Variants in ENTPD6 observed in about 807,000 individuals in gnomAD.
The protein encoded by ENTPD6 is CD39 antigen-like 2.
Under a neutral mutation model 61.5 loss-of-function variants are expected in ENTPD6, and 46 were observed. The ratio of observed to expected loss-of-function variants is 0.75; its 90% confidence interval spans 0.59 to 0.96. ENTPD6 has a LOEUF of 0.96. ENTPD6 is among the 40% of genes least tolerant of loss of function. The pLI, the probability that ENTPD6 is intolerant of heterozygous loss-of-function variation, is 0.00. For synonymous variants in ENTPD6, 252 were observed against 255.5 expected, an observed-to-expected ratio of 0.99 and a Z score of 0.13; for missense variants, 612 against 629.0, an observed-to-expected ratio of 0.97 and a Z score of 0.29.
intron 12 of ENTPD6, 152 bp from the exon 13 acceptor site, chr20:25,223,949 A>G: frequency 1.6e-6 from 1 of 612,074 alleles, no homozygotes; most frequent in Non-Finnish European, 2.8e-6. Flanking sequence ...TCCTCAGAGC[A>G]CGTGAGTGCC....
At position 25,222,912 on chromosome 20, in the gene ENTPD6, G is replaced by A. The variant is rs747121349; in HGVS notation, c.1120G>A (p.Val374Met). 22 of 1,614,090 alleles carry A rather than the reference G, an allele frequency of 1.4e-5. No individual in the cohort carries two copies. The highest frequency in any genetic ancestry group is 1.9e-5 in the Non-Finnish European group (22 of 1,179,982). The stretch of plus-strand genomic sequence containing the variant: ...AAACAGAGTGCACAGGACGGAGGAA[G>A]TGAAGCATGTGGACTTCTATGCTTT... ...LQNRVHRTEE[V>M]KHVDFYAFSY... Residue 374 changes from valine (V) to methionine (M), a missense_variant, in exon 12 of 15, where the codon GTG becomes ATG. Physicochemically the swap from Val to Met is conservative, Grantham distance 21. Transcript: ENST00000376652.
chr20:25,223,114 C>T, intron 12 of ENTPD6, 136 bp downstream of exon 12: 1 of 1,015,216 alleles, frequency 9.9e-7, no homozygotes, highest in Non-Finnish European at 1.4e-6. Flanking sequence ...AGGCCAGAAG[C>T]AGATTTGAGA....
At chr20:25,213,207 T>G in intron 4 of ENTPD6, 56 bp from the exon 5 acceptor site, 4 of 1,608,264 alleles carry the variant, frequency 2.5e-6, no homozygotes, top group Non-Finnish European at 3.4e-6. Context: ...AAGCAGCACG[T>G]GTGACCCTGT....
chr20:25,208,096 C>G (rs930595115), intron 3 of ENTPD6, among the ~76,000 whole-genome samples: 4 of 152,218 alleles, frequency 2.6e-5, no homozygotes, highest in African/African-American at 4.8e-5. Flanking sequence ...TCAGGCAGGT[C>G]CCCTGGGTGT....
intron 13 of ENTPD6, 103 bp downstream of exon 13, chr20:25,224,260 A>G (rs1013719612): frequency 1.0e-6 from 1 of 997,318 alleles, no homozygotes; most frequent in South Asian, 1.7e-5. Context: ...CCTCCTAAAC[A>G]ATGGCCACAG....
Position 25,209,932 on chromosome 20 carries a change from A to G in ENTPD6, c.453+7A>G. The G allele has an allele frequency of 6.2e-7, 1 of 1,612,176 alleles. No homozygotes were observed. The highest frequency in any genetic ancestry group is 8.5e-7 in the Non-Finnish European group (1 of 1,178,238). On this transcript the variant is annotated splice_region_variant and intron_variant, in intron 4 of 14. Coordinates refer to ENST00000376652, the MANE Select transcript of ENTPD6 (RefSeq NM_001247.5). Reference sequence around the variant, plus strand: ...TGCTGATGATGTTGAAAAGGTAAGGATCCTCTCCCGTGTCTCCCTGTTCAA... The same window carrying G: ...TGCTGATGATGTTGAAAAGGTAAGGGTCCTCTCCCGTGTCTCCCTGTTCAA...
At chr20:25,213,512 T>A (rs1321773796) in intron 5 of ENTPD6, 106 bp downstream of exon 5, 1 of 1,242,538 alleles carries the variant, frequency 8.0e-7, no homozygotes, top group Admixed American at 2.7e-5. Context: ...AGGACACAGA[T>A]GCTTCTGAAG....
intron 1 of ENTPD6, among the ~76,000 whole-genome samples, chr20:25,198,155 T>G (rs1240360901): frequency 6.6e-6 from 1 of 152,160 alleles, no homozygotes; most frequent in African/African-American, 2.4e-5. Context: ...TAGAATATGG[T>G]TCTTAGACTA....
Position 25,195,839 on chromosome 20 carries a change from C to G in ENTPD6, c.-44C>G. 1 of 1,239,338 alleles carries G rather than the reference C, an allele frequency of 8.1e-7. No homozygotes were observed. Among genetic ancestry groups the G allele is most frequent in the East Asian group, 3.2e-5 (1 of 31,692 alleles). The allele number at this position is 1,239,338 out of a possible 1,614,324, so 76.8% of individuals were successfully genotyped here. A position where few individuals can be genotyped will look rare whatever the true frequency, so the allele number is the denominator to read the frequency against. On this transcript the variant is annotated 5_prime_UTR_variant, in exon 1 of 15. Transcript: ENST00000376652. ...CTCCCCGGAAAAGGGCACTCGTCTC[C>G]GTGGGTGTGGCGGAGCGCGCGGTGC... is the stretch of plus-strand genomic sequence containing the variant.
At chr20:25,199,019 C>G (rs2090791863) in intron 1 of ENTPD6, among the ~76,000 whole-genome samples, 1 of 152,216 alleles carries the variant, frequency 6.6e-6, no homozygotes, top group African/African-American at 2.4e-5. Flanking sequence ...GCATCTTCCT[C>G]CTACTGCCCG....
At position 25,225,658 on chromosome 20, in the gene ENTPD6, C is replaced by G; in HGVS notation, c.*61C>G. 1 of 1,387,234 alleles carries G rather than the reference C, an allele frequency of 7.2e-7. No homozygotes were observed. Among genetic ancestry groups the G allele is most frequent in the East Asian group, 2.3e-5 (1 of 43,572 alleles). The allele number at this position is 1,387,234 out of a possible 1,614,324, so 85.9% of individuals were successfully genotyped here. On this transcript the variant is annotated 3_prime_UTR_variant, in exon 15 of 15. Coordinates refer to ENST00000376652, the MANE Select transcript of ENTPD6 (RefSeq NM_001247.5). ...GTGTGTCTGCATAAACCCTCCTGTC[C>G]TGGACGTGACTTCATCCTGAGGAGC...
At chr20:25,197,571 CCTCTCCGGCAG>C (rs1427285518) in intron 1 of ENTPD6, among the ~76,000 whole-genome samples, 4 of 152,232 alleles carry the variant, frequency 2.6e-5, no homozygotes, top group Non-Finnish European at 5.9e-5. Context: ...AACCCCATTT[CCTCTCCGGCAG>C]GTGTCTCAGC....
At chr20:25,215,185 C>G (rs190523021) in intron 6 of ENTPD6, among the ~76,000 whole-genome samples, 13 of 152,338 alleles carry the variant, frequency 8.5e-5, no homozygotes, top group African/African-American at 3.1e-4. Context: ...CAACCCCAAA[C>G]CTGGCATGAA....
chr20:25,222,793 G>C, intron 11 of ENTPD6, 45 bp from the exon 12 acceptor site: 12 of 1,604,870 alleles, frequency 7.5e-6, no homozygotes, highest in Non-Finnish European at 1.0e-5. Flanking sequence ...TGTGAGGCCT[G>C]GGTGCTCGGA....
At chr20:25,210,798 C>T (rs2091909564) in intron 4 of ENTPD6, among the ~76,000 whole-genome samples, 1 of 152,088 alleles carries the variant, frequency 6.6e-6, no homozygotes, top group Non-Finnish European at 1.5e-5. Context: ...AAAAATTAGC[C>T]AGGCATGGTG....
intron 11 of ENTPD6, 44 bp from the exon 12 acceptor site, chr20:25,222,794 G>C: frequency 6.2e-7 from 1 of 1,605,152 alleles, no homozygotes; most frequent in Non-Finnish European, 8.5e-7. Flanking sequence ...GTGAGGCCTG[G>C]GTGCTCGGAG....
intron 3 of ENTPD6, among the ~76,000 whole-genome samples, chr20:25,208,096 C>A (rs930595115): frequency 3.3e-5 from 5 of 152,218 alleles, no homozygotes; most frequent in Non-Finnish European, 7.3e-5. Context: ...TCAGGCAGGT[C>A]CCCTGGGTGT....
In ENTPD6 at chr20:25,207,188, A is replaced by G; in HGVS notation, c.167A>G (p.Tyr56Cys). The change falls in exon 3 of 15, where the codon TAT (tyrosine) becomes TGT (cysteine). Residue 56 changes from tyrosine to cysteine, a missense_variant. By Grantham distance (194) the Tyr-to-Cys change is radical. Coordinates refer to ENST00000376652, the MANE Select transcript of ENTPD6 (RefSeq NM_001247.5). ...GGGCTGTGTGTGGGCGTGTTCATCT[A>G]TGTTGCCTACATCAAGTGGCACCGG... is the stretch of plus-strand genomic sequence containing the variant. ...PLGLCVGVFI[Y>C]VAYIKWHRAT... The G allele has an allele frequency of 1.2e-6, 2 of 1,614,044 alleles. No individual in the cohort carries two copies. Among genetic ancestry groups the G allele is most frequent in the Non-Finnish European group, 1.7e-6 (2 of 1,180,004 alleles).
chr20:25,224,388 G>T (rs1398347112), intron 13 of ENTPD6: 10 of 417,720 alleles, frequency 2.4e-5, no homozygotes, highest in Non-Finnish European at 3.0e-5. Flanking sequence ...TGCTACTAGG[G>T]TAACCCCAAG....
Sources: gnomAD v4.1 joint callset for allele counts (sites outside exome capture counted in the v4.1 genomes callset) on GRCh38, gnomAD v4.1.1 for gene constraint, MANE v1.5 for transcripts, NCBI Gene and HGNC (gene_info 2026-07-23, HGNC 2026-07-21) for gene names.